The following GLIS1 variants were observed in gnomAD, a reference collection of about 807,000 sequenced individuals.
The protein encoded by GLIS1 is zinc finger protein GLIS1.
In GLIS1, 24 loss-of-function variants were observed where a neutral mutation model predicts 63.8. The ratio of observed to expected loss-of-function variants is 0.38; its 90% CI spans 0.27 to 0.53. GLIS1 has a LOEUF of 0.53. Ranked by LOEUF, GLIS1 falls within the 20% of genes least tolerant of loss-of-function variation. The probability of loss-of-function intolerance (pLI) is 0.85; values close to 1 mark genes in which losing one functional copy is unlikely to be tolerated. For missense variants in GLIS1, 1,036 were observed against 1,074.1 expected, an observed-to-expected ratio of 0.96 and a Z score of 0.50; for synonymous variants, 450 against 482.5, an observed-to-expected ratio of 0.93 and a Z score of 0.88.
chr1:53,548,316 G>A (rs1387911342), intron 4 of GLIS1, among the ~76,000 whole-genome samples: 1 of 152,160 alleles, frequency 6.6e-6, no homozygotes, highest in Non-Finnish European at 1.5e-5. Context: ...CGGGAGGCCC[G>A]GTCTGCACAC....
intron 2 of GLIS1, among the ~76,000 whole-genome samples, chr1:53,695,957 C>T (rs1000148337): frequency 2.6e-5 from 4 of 152,368 alleles, no homozygotes; most frequent in African/African-American, 9.6e-5. Context: ...TGGCCCCTAG[C>T]TGTGGGTGCC....
In GLIS1 at chr1:53,660,572, C is replaced by T. The variant is rs76633331; in HGVS notation, c.260-60294G>A. Among the ~76,000 whole-genome samples the T allele has an allele frequency of 2.7e-4, 41 of 152,250 alleles. 1 individual carries two copies. The East Asian group carries it at 7.3e-3, about 27-fold the overall frequency. On this transcript the variant is annotated intron_variant, in intron 2 of 10. Transcript: ENST00000628545. ...TGAAGAAGGGTAGAGGAGGACAGGA[C>T]GTGGACTACAGTCCCCTTGAACCAG... is the stretch of plus-strand genomic sequence containing the variant.
At chr1:53,650,415 C>A (rs1311874715) in intron 2 of GLIS1, among the ~76,000 whole-genome samples, 2 of 152,154 alleles carry the variant, frequency 1.3e-5, no homozygotes, top group Non-Finnish European at 2.9e-5. Flanking sequence ...CATGGCGAAA[C>A]CACGTCTCTA....
chr1:53,629,062 T>C (rs1189077112), intron 2 of GLIS1, among the ~76,000 whole-genome samples: 14 of 152,020 alleles, frequency 9.2e-5, no homozygotes, highest in Non-Finnish European at 2.1e-4. Context: ...TGTACACACA[T>C]GGGGACATGT....
intron 2 of GLIS1, among the ~76,000 whole-genome samples, chr1:53,650,530 C>T (rs958324860): frequency 6.2e-5 from 9 of 144,440 alleles, no homozygotes; most frequent in Non-Finnish European, 1.3e-4. Context: ...GATGAGGTTG[C>T]AGTGAGCCAA....
intron 6 of GLIS1, 58 bp downstream of exon 6, chr1:53,524,719 T>C (rs933763022): frequency 6.1e-5 from 77 of 1,254,206 alleles, no homozygotes; most frequent in Non-Finnish European, 8.4e-5. Flanking sequence ...GCACCTGGCC[T>C]GATGCGGTGC....
chr1:53,723,027 G>A (rs528734584), intron 2 of GLIS1, among the ~76,000 whole-genome samples: 1 of 151,864 alleles, frequency 6.6e-6, no homozygotes, highest in African/African-American at 2.4e-5. Flanking sequence ...CAGCTACTCA[G>A]GAGGCTGAGG....
At position 53,682,702 on chromosome 1, in the gene GLIS1, T is replaced by G. The variant is rs139587277; in HGVS notation, c.259+55104A>C. Among the ~76,000 whole-genome samples, 13 of 152,344 alleles carry G rather than the reference T, an allele frequency of 8.5e-5. 1 individual carries two copies. The South Asian group carries it at 1.4e-3, about 17-fold the overall frequency. Reference sequence around the variant, plus strand: ...CACCATTGGTTAATCTAGGAGGAGCTGCCTTTCATAACAAGTGTGCAGCAG... The same window carrying G: ...CACCATTGGTTAATCTAGGAGGAGCGGCCTTTCATAACAAGTGTGCAGCAG... On this transcript the variant is annotated intron_variant, in intron 2 of 10. Coordinates refer to ENST00000628545, the MANE Select transcript of GLIS1 (RefSeq NM_001367484.1).
At chr1:53,512,426 A>G (rs1644306188) in intron 8 of GLIS1, among the ~76,000 whole-genome samples, 1 of 152,174 alleles carries the variant, frequency 6.6e-6, no homozygotes, top group African/African-American at 2.4e-5. Context: ...TTTGGTCATG[A>G]AGTCAGGCCC....
chr1:53,515,079 A>ATGTGTGTGTGTGTGTGTG (rs5774151), intron 7 of GLIS1, among the ~76,000 whole-genome samples: 2 of 141,994 alleles, frequency 1.4e-5, no homozygotes, highest in African/African-American at 5.3e-5. Context: ...GTGTGTGTAT[A>ATGTGTGTGTGTGTGTGTG]TGTGTGTGTG....
At chr1:53,672,964 A>G (rs1156742509) in intron 2 of GLIS1, among the ~76,000 whole-genome samples, 15 of 152,210 alleles carry the variant, frequency 9.9e-5, no homozygotes, top group Non-Finnish European at 2.1e-4. Flanking sequence ...CCTAGGCCCA[A>G]CATAGCCAGA....
chr1:53,664,141 G>A lies in GLIS1; in HGVS notation c.260-63863C>T, dbSNP rs532348450. Among the ~76,000 whole-genome samples, 3 of 152,272 alleles carry A rather than the reference G, an allele frequency of 2.0e-5. No individual in the cohort carries two copies. The East Asian group carries it at 5.8e-4, about 29-fold the overall frequency. On this transcript the variant is annotated intron_variant, in intron 2 of 10. Transcript: ENST00000628545. ...ATCCATGCGGTGCCCACTTCCAGGG[G>A]AAAGCCTGGCACATCAGAGATTCTG... is the stretch of plus-strand genomic sequence containing the variant.
chr1:53,711,279 G>A (rs531256397), intron 2 of GLIS1, among the ~76,000 whole-genome samples: 1 of 152,232 alleles, frequency 6.6e-6, no homozygotes, highest in African/African-American at 2.4e-5. Flanking sequence ...TCTTCCCAGA[G>A]CCCAGGCCTA....
chr1:53,588,286 C>T (rs1166466088), intron 4 of GLIS1, among the ~76,000 whole-genome samples: 2 of 152,202 alleles, frequency 1.3e-5, no homozygotes, highest in Non-Finnish European at 2.9e-5. Flanking sequence ...CACATCACAA[C>T]ATCTTCATCT....
chr1:53,727,814 G>T (rs1646820447), intron 2 of GLIS1, among the ~76,000 whole-genome samples: 1 of 152,234 alleles, frequency 6.6e-6, no homozygotes, highest in Non-Finnish European at 1.5e-5. Flanking sequence ...TCAAGACAGT[G>T]TTGGAAAGAA....
At chr1:53,513,583 C>A (rs971073310) in intron 8 of GLIS1, among the ~76,000 whole-genome samples, 10 of 152,214 alleles carry the variant, frequency 6.6e-5, no homozygotes, top group Admixed American at 2.6e-4. Flanking sequence ...GGCAGCCACA[C>A]CCCACTGGGC....
rs140949287 is a variant in GLIS1, at chr1:53,720,784, A to T, written c.259+17022T>A. 9.4e-3 allele frequency among the ~76,000 whole-genome samples: 1,425 copies of T among 152,324 alleles called. 12 individuals carry two copies. The highest frequency in any genetic ancestry group is 0.015 in the Non-Finnish European group (1,026 of 68,038). ...AACTATTATGTATCAATTTTAAAAA[A>T]GAAATAAACTAGTTTCTGAGCCTGG... On this transcript the variant is annotated intron_variant, in intron 2 of 10. Transcript: ENST00000628545.
Position 53,601,010 on chromosome 1 carries a change from T to A in GLIS1, c.260-732A>T, listed in dbSNP as rs1645311998. Among the ~76,000 whole-genome samples the A allele has an allele frequency of 2.0e-5, 3 of 152,052 alleles. No homozygotes were observed. The South Asian group carries it at 6.2e-4, about 32-fold the overall frequency. Reference sequence around the variant, plus strand: ...TCAGGCGTGCTTGTTCTAAGCTCCTTCCCCTCTCTGGGCCTCAGTTTTCTC... The same window carrying A: ...TCAGGCGTGCTTGTTCTAAGCTCCTACCCCTCTCTGGGCCTCAGTTTTCTC... On this transcript the variant is annotated intron_variant, in intron 2 of 10. Coordinates refer to ENST00000628545, the MANE Select transcript of GLIS1 (RefSeq NM_001367484.1).
chr1:53,628,363 G>A (rs1330469115), intron 2 of GLIS1, among the ~76,000 whole-genome samples: 4 of 152,134 alleles, frequency 2.6e-5, no homozygotes, highest in Non-Finnish European at 5.9e-5. Context: ...GATGCTCAAC[G>A]TCCCAGCACC....
Sources: allele counts gnomAD v4.1 joint callset (sites outside exome capture counted in the v4.1 genomes callset), GRCh38; gene constraint gnomAD v4.1.1; transcripts MANE v1.5; gene names NCBI Gene and HGNC (gene_info 2026-07-23, HGNC 2026-07-21).